The following MALRD1 variants were observed in gnomAD, a reference collection of about 807,000 sequenced individuals.
MALRD1 encodes the protein MAM and LDL receptor class A domain containing 1.
MALRD1 carries 247 observed loss-of-function variants against 242.1 expected under a neutral mutation model. The ratio of observed to expected loss-of-function variants is 1.02; its 90% confidence interval spans 0.92 to 1.13. MALRD1 has a LOEUF of 1.13. Ranked by LOEUF, MALRD1 falls within the 50% of genes most tolerant of loss-of-function variation. The pLI is 0.00. For missense variants in MALRD1, 2,989 were observed against 2,533.1 expected (o/e 1.18, Z -3.86); for synonymous variants, 995 against 866.6 (o/e 1.15, Z -2.60).
chr10:19,625,900 C>T (rs1411530091), intron 36 of MALRD1, among the ~76,000 whole-genome samples: 3 of 151,982 alleles, frequency 2.0e-5, no homozygotes, highest in Non-Finnish European at 2.9e-5. Flanking sequence ...AATTTAAGAC[C>T]ATGGCCTCTG....
chr10:19,299,976 G>T (rs1841873170), intron 21 of MALRD1, among the ~76,000 whole-genome samples: 1 of 151,932 alleles, frequency 6.6e-6, no homozygotes, highest in Non-Finnish European at 1.5e-5. Context: ...AACCCCGGAG[G>T]TTCTGCCCAG....
chr10:19,164,456 A>G (rs1197303504), intron 12 of MALRD1, among the ~76,000 whole-genome samples: 1 of 152,170 alleles, frequency 6.6e-6, no homozygotes, highest in Non-Finnish European at 1.5e-5. Flanking sequence ...ATGAACCTGA[A>G]AAAATGTCAC....
At chr10:19,183,769 T>G (rs1056870717) in intron 14 of MALRD1, among the ~76,000 whole-genome samples, 6 of 152,200 alleles carry the variant, frequency 3.9e-5, no homozygotes, top group African/African-American at 1.4e-4. Flanking sequence ...AAGAACTGTT[T>G]GGGATACATA....
At chr10:19,362,293 T>C (rs1016420771) in intron 26 of MALRD1, among the ~76,000 whole-genome samples, 2 of 152,132 alleles carry the variant, frequency 1.3e-5, no homozygotes, top group Non-Finnish European at 2.9e-5. Flanking sequence ...TTGCCTTTAA[T>C]GGATACTTCT....
At chr10:19,295,232 C>T (rs114332249) in intron 21 of MALRD1, among the ~76,000 whole-genome samples, 1,655 of 151,862 alleles carry the variant, frequency 0.011, 33 homozygotes, top group African/African-American at 0.038. Flanking sequence ...AATTATTATT[C>T]GTAATTTAGA....
At chr10:19,700,991 AT>A (rs1213714823) in intron 38 of MALRD1, among the ~76,000 whole-genome samples, 2 of 152,212 alleles carry the variant, frequency 1.3e-5, no homozygotes, top group Admixed American at 1.3e-4. Context: ...CTACAAAAAA[AT>A]ACAAAAATTA....
At chr10:19,373,933 T>C (rs1460311857) in intron 26 of MALRD1, among the ~76,000 whole-genome samples, 1 of 152,204 alleles carries the variant, frequency 6.6e-6, no homozygotes, top group African/African-American at 2.4e-5. Context: ...TGTTTCTCTC[T>C]CACCCTGAAT....
At chr10:19,438,459 G>T (rs1363270530) in intron 28 of MALRD1, among the ~76,000 whole-genome samples, 1 of 152,108 alleles carries the variant, frequency 6.6e-6, no homozygotes, top group Non-Finnish European at 1.5e-5. Flanking sequence ...AAATAATGTT[G>T]TTATTAACAT....
At chr10:19,292,892 C>CAAAAAAA (rs57002523) in intron 21 of MALRD1, among the ~76,000 whole-genome samples, 5 of 72,858 alleles carry the variant, frequency 6.9e-5, no homozygotes, top group Admixed American at 3.6e-4. Context: ...GACTCTGCCT[C>CAAAAAAA]AAAAAAAAAA....
chr10:19,444,436 G>T (rs566402284), intron 28 of MALRD1, among the ~76,000 whole-genome samples: 6 of 152,184 alleles, frequency 3.9e-5, no homozygotes, highest in African/African-American at 1.4e-4. Flanking sequence ...TGTTTTTGCA[G>T]TGCCTGGTAC....
intron 33 of MALRD1, among the ~76,000 whole-genome samples, chr10:19,589,786 A>G (rs1484104551): frequency 6.6e-6 from 1 of 152,074 alleles, no homozygotes; most frequent in East Asian, 1.9e-4. Context: ...ACATCCCTTC[A>G]TCCTTTCTGA....
At chr10:19,670,599 C>A (rs1453935189) in intron 36 of MALRD1, among the ~76,000 whole-genome samples, 1 of 152,158 alleles carries the variant, frequency 6.6e-6, no homozygotes, top group Non-Finnish European at 1.5e-5. Context: ...TTATTCATTT[C>A]ATGATAAAAC....
chr10:19,081,416 A>G (rs1835486990), intron 2 of MALRD1, among the ~76,000 whole-genome samples: 1 of 152,146 alleles, frequency 6.6e-6, no homozygotes, highest in South Asian at 2.1e-4. Flanking sequence ...CATATACACC[A>G]TGGAATTTTA....
intron 9 of MALRD1, 50 bp downstream of exon 9, chr10:19,133,998 C>G (rs1265286009): frequency 1.2e-5 from 12 of 969,606 alleles, no homozygotes; most frequent in Admixed American, 4.3e-5. Context: ...TAAGTTTTAG[C>G]TTTGCAGTAA....
chr10:19,587,476 A>G (rs1589273326), intron 33 of MALRD1, among the ~76,000 whole-genome samples: 1 of 152,336 alleles, frequency 6.6e-6, no homozygotes, highest in East Asian at 1.9e-4. Flanking sequence ...TAAACATATT[A>G]ATCATAAAGG....
intron 36 of MALRD1, among the ~76,000 whole-genome samples, chr10:19,664,208 T>C (rs1218023118): frequency 6.6e-6 from 1 of 151,926 alleles, no homozygotes; most frequent in Non-Finnish European, 1.5e-5. Flanking sequence ...TGTCATAGTA[T>C]AAAATAAAAT....
chr10:19,730,494 A>G, intron 38 of MALRD1: 1 of 611,384 alleles, frequency 1.6e-6, no homozygotes, highest in South Asian at 1.7e-5. Flanking sequence ...TCAGAGTTCA[A>G]ATTACATTTG....
chr10:19,468,074 G>A (rs146521236), intron 29 of MALRD1, among the ~76,000 whole-genome samples: 9 of 150,522 alleles, frequency 6.0e-5, no homozygotes, highest in Non-Finnish European at 1.2e-4. Context: ...GATTACATAT[G>A]TGAGCTACCA....
intron 29 of MALRD1, among the ~76,000 whole-genome samples, chr10:19,456,563 T>A (rs1478924188): frequency 2.0e-5 from 3 of 152,154 alleles, no homozygotes; most frequent in Non-Finnish European, 4.4e-5. Context: ...AGAGTTTAAC[T>A]TCAGAACTTA....
Sources: allele counts gnomAD v4.1 joint callset (sites outside exome capture counted in the v4.1 genomes callset), GRCh38; gene constraint gnomAD v4.1.1; transcripts MANE v1.5; gene names NCBI Gene and HGNC (gene_info 2026-07-23, HGNC 2026-07-21).